The following MCM4 variants were observed in gnomAD, a reference collection of about 807,000 sequenced individuals.
MCM4 encodes minichromosome maintenance complex component 4, also known as DNA replication licensing factor MCM4.
MCM4 carries 60 observed loss-of-function variants against 88.7 expected under a neutral mutation model. The ratio of observed to expected loss-of-function variants is 0.68; its 90% CI spans 0.55 to 0.84. The LOEUF (loss-of-function observed/expected upper bound fraction) is 0.84, where lower values mean the gene tolerates loss of function less well. MCM4 is among the 40% of genes least tolerant of loss of function. The pLI, the probability that MCM4 is intolerant of heterozygous loss-of-function variation, is 0.00. For missense variants in MCM4, 1,149 were observed against 1,105.5 expected (o/e 1.04, Z -0.56); for synonymous variants, 465 against 410.5 (o/e 1.13, Z -1.61).
rs1197223718 is a variant in MCM4 at position 47,962,185 on chromosome 8, A to G, written c.368A>G (p.Lys123Arg). ...AGGCCTGACCTGGGCTCTGCACAGA[A>G]GGGCCTGCAAGTGGATCTGCAGTCT... ...RQRPDLGSAQ[K>R]GLQVDLQSDG... Residue 123 changes from lysine (K) to arginine (R), a missense_variant, in exon 4 of 17, where the codon AAG becomes AGG. By Grantham distance (26) the Lys-to-Arg change is conservative (BLOSUM62 2). This residue lies in a region of MCM4 where 906 missense variants were observed against 843.0 expected (regional missense o/e 1.07). Transcript: ENST00000649973. 1.2e-6 allele frequency: 2 copies of G among 1,614,066 alleles called. No individual in the cohort carries two copies. Among genetic ancestry groups the G allele is most frequent in the Non-Finnish European group, 1.7e-6 (2 of 1,180,046 alleles).
chr8:47,975,743 A>G lies in MCM4; in HGVS notation c.2394A>G (p.Lys798=), dbSNP rs1196542471. The G allele has an allele frequency of 1.3e-6, 2 of 1,577,996 alleles. No individual in the cohort carries two copies. Among genetic ancestry groups the G allele is most frequent in the East Asian group, 2.3e-5 (1 of 43,518 alleles). The change falls in exon 16 of 17, where the codon AAA becomes AAG. Residue 798 remains lysine, a synonymous_variant. Transcript: ENST00000649973. ...TGAGTGCCACCTCTCGTAAACGGAAAGAAGAATTAGCTGAAGCATTGAAAA... is the reference window on the plus strand; with the variant it reads ...TGAGTGCCACCTCTCGTAAACGGAAGGAAGAATTAGCTGAAGCATTGAAAA... The part of the protein sequence containing the change: ...TGMSATSRKR[K]EELAEALKKL...
intron 14 of MCM4, 58 bp from the exon 15 acceptor site, chr8:47,974,676 A>G (rs969526857): frequency 3.2e-5 from 45 of 1,425,088 alleles, no homozygotes; most frequent in Non-Finnish European, 4.0e-5. Flanking sequence ...TTCACCCACA[A>G]AACTAAAGTT....
At chr8:47,971,564 C>G (rs896384183) in intron 13 of MCM4, 96 bp downstream of exon 13, 1 of 1,272,246 alleles carries the variant, frequency 7.9e-7, no homozygotes, top group Non-Finnish European at 1.1e-6. Context: ...AATGGAAACT[C>G]TTCACTCTTA....
Position 47,969,835 on chromosome 8 carries a change from A to G in MCM4, c.1212A>G (p.Arg404=). The G allele has an allele frequency of 6.2e-7, 1 of 1,614,232 alleles. No homozygotes were observed. The highest frequency in any genetic ancestry group is 8.5e-7 in the Non-Finnish European group (1 of 1,180,040). ...CTGTGCCTATTCGAGTCAATCCAAG[A>G]GTGAGTAATGTGAAGTCTGTCTACA... is the stretch of plus-strand genomic sequence containing the variant. ...YRAVPIRVNP[R]VSNVKSVYKT... The change falls in exon 11 of 17, where the codon AGA becomes AGG. Residue 404 remains arginine (R), a synonymous_variant. Coordinates refer to ENST00000649973, the MANE Select transcript of MCM4 (RefSeq NM_182746.3).
chr8:47,971,489 T>C (rs1563834831), intron 13 of MCM4, 21 bp downstream of exon 13: 1 of 1,612,226 alleles, frequency 6.2e-7, no homozygotes, highest in South Asian at 1.1e-5. Flanking sequence ...AGATTTTTAT[T>C]TTGTTCATTT....
At chr8:47,963,183 T>C (rs2090863202) in intron 7 of MCM4, 143 bp downstream of exon 7, 3 of 580,780 alleles carry the variant, frequency 5.2e-6, no homozygotes, top group Non-Finnish European at 6.0e-6. Flanking sequence ...CCCGGTGTGG[T>C]GGCTCACACC....
Position 47,962,171 on chromosome 8 carries a change from G to A in MCM4, c.354G>A (p.Leu118=), listed in dbSNP as rs2090849142. The change falls in exon 4 of 17, where the codon CTG becomes CTA. Residue 118 remains leucine, a synonymous_variant. Transcript: ENST00000649973. ...RGTPVRQRPD[L]GSAQKGLQVD... ...CACCTGTGAGACAGAGGCCTGACCT[G>A]GGCTCTGCACAGAAGGGCCTGCAAG... 6 of 1,614,084 alleles carry A rather than the reference G, an allele frequency of 3.7e-6. No individual in the cohort carries two copies. The highest frequency in any genetic ancestry group is 5.1e-6 in the Non-Finnish European group (6 of 1,180,040).
chr8:47,972,909 C>T lies in MCM4; in HGVS notation c.1981C>T (p.Arg661Cys), dbSNP rs144738849. The T allele has an allele frequency of 6.1e-5, 99 of 1,614,176 alleles. No homozygotes were observed. The African/African-American group carries it at 1.1e-3, about 18-fold the overall frequency. The stretch of plus-strand genomic sequence containing the variant: ...CCCTCAGGACGAAGCCTATGACAGG[C>T]GTCTGGCTCACCACCTGGTCGCACT... Reference protein sequence around the residue: ...LDPQDEAYDRRLAHHLVALYY... With the variant: ...LDPQDEAYDRCLAHHLVALYY... The change falls in exon 14 of 17, where the codon CGT becomes TGT. Residue 661 changes from arginine (R) to cysteine (C), a missense_variant. Arg to Cys is a radical substitution (Grantham distance 180). Around this residue, in one of 3 missense-constraint regions of MCM4, gnomAD observed 906 missense variants for 843.0 expected, o/e 1.07. Transcript: ENST00000649973.
chr8:47,962,057 C>T lies in MCM4; in HGVS notation c.240C>T (p.Ile80=), dbSNP rs148927296. 4.2e-5 allele frequency: 68 copies of T among 1,613,792 alleles called. 1 individual carries two copies. The African/African-American group carries it at 6.0e-4, about 14-fold the overall frequency. The stretch of plus-strand genomic sequence containing the variant: ...TTCCTAATTTTGTTTTTATAGCTAT[C>T]CCTCTTGACTTTGATGTTAGTTCAC... ...SSPPQMHSSA[I]PLDFDVSSPL... The change falls in exon 4 of 17, where the codon ATC becomes ATT. Residue 80 remains isoleucine, a synonymous_variant. Transcript: ENST00000649973.
intron 12 of MCM4, 87 bp from the exon 13 acceptor site, chr8:47,971,254 G>A: frequency 2.7e-6 from 4 of 1,501,804 alleles, no homozygotes; most frequent in Non-Finnish European, 3.7e-6. Flanking sequence ...GAGGGAATAT[G>A]GGTTTAGTAG....
At chr8:47,965,894 C>G (rs2090893818) in intron 8 of MCM4, among the ~76,000 whole-genome samples, 1 of 152,122 alleles carries the variant, frequency 6.6e-6, no homozygotes, top group Non-Finnish European at 1.5e-5. Context: ...GGCTTTTTTC[C>G]TGACACAGCA....
At chr8:47,963,729 G>C (rs187518614) in intron 7 of MCM4, among the ~76,000 whole-genome samples, 12 of 152,294 alleles carry the variant, frequency 7.9e-5, no homozygotes, top group African/African-American at 2.9e-4. Flanking sequence ...CTAAGCCTCA[G>C]GTCAGTTTCT....
At chr8:47,961,481 T>G in intron 2 of MCM4, 35 bp from the exon 3 acceptor site, 1 of 1,613,040 alleles carries the variant, frequency 6.2e-7, no homozygotes, top group Non-Finnish European at 8.5e-7. Flanking sequence ...GCCCTGAAAG[T>G]TAATGGCTGT....
intron 8 of MCM4, 45 bp from the exon 9 acceptor site, chr8:47,966,142 C>A: frequency 6.7e-7 from 1 of 1,503,028 alleles, no homozygotes; most frequent in Non-Finnish European, 9.2e-7. Context: ...TCCTGGACCT[C>A]CACACCTCAG....
At chr8:47,967,322 C>T in intron 9 of MCM4, 43 bp from the exon 10 acceptor site, 1 of 1,611,996 alleles carries the variant, frequency 6.2e-7, no homozygotes, top group Non-Finnish European at 8.5e-7. Context: ...GTCCCCCTGC[C>T]CTCTCTTTGT....
intron 13 of MCM4, 41 bp from the exon 14 acceptor site, chr8:47,972,816 C>T: frequency 6.4e-7 from 1 of 1,566,760 alleles, no homozygotes; most frequent in Non-Finnish European, 8.7e-7. Flanking sequence ...CTCGGCCTCA[C>T]AAGGTGCTGG....
intron 3 of MCM4, 107 bp downstream of exon 3, chr8:47,961,787 C>T (rs983213524): frequency 2.9e-6 from 4 of 1,358,798 alleles, no homozygotes; most frequent in East Asian, 2.3e-5. Context: ...TAAAGCATCC[C>T]CTCTGCACGT....
At chr8:47,964,354 G>A (rs1563831648) in intron 7 of MCM4, among the ~76,000 whole-genome samples, 1 of 152,174 alleles carries the variant, frequency 6.6e-6, no homozygotes, top group Non-Finnish European at 1.5e-5. Context: ...ACATCAAGAA[G>A]GCACTTTCGT....
chr8:47,974,747 T>A lies in MCM4; in HGVS notation c.2150T>A (p.Met717Lys), dbSNP rs1380926615. The A allele has an allele frequency of 3.1e-6, 5 of 1,613,958 alleles. No individual in the cohort carries two copies. The East Asian group carries it at 6.7e-5, about 22-fold the overall frequency. Residue 717 changes from methionine to lysine, a missense_variant, in exon 15 of 17, where the codon ATG becomes AAG. This residue lies in a region of MCM4 where 238 missense variants were observed against 241.6 expected (regional missense o/e 0.99). Transcript: ENST00000649973. ...SQALIEAYVD[M>K]RKIGSSRGMV... ...TACCTACAATAGGCTTATGTAGACA[T>A]GAGGAAGATTGGCAGTAGCCGGGGA... is the stretch of plus-strand genomic sequence containing the variant.
Sources: allele counts gnomAD v4.1 joint callset (sites outside exome capture counted in the v4.1 genomes callset), GRCh38; gene constraint gnomAD v4.1.1; regional missense constraint gnomAD v4.1.1; transcripts MANE v1.5; gene names NCBI Gene and HGNC (gene_info 2026-07-23, HGNC 2026-07-21).